CCDC33: variants seen among roughly 807,000 people sequenced by gnomAD.
CCDC33 encodes coiled-coil domain-containing protein 33.
A neutral mutation model predicts 91.9 loss-of-function variants in CCDC33; 94 were observed. The observed-to-expected ratio is 1.02, with a 90% CI of 0.87 to 1.21. CCDC33 has a LOEUF of 1.21. Among genes scored for constraint, CCDC33 ranks in the 50% most tolerant of loss-of-function variants. The probability of loss-of-function intolerance (pLI) is 0.00; values close to 1 mark genes in which losing one functional copy is unlikely to be tolerated. For missense variants in CCDC33, 940 were observed against 935.5 expected (o/e 1.00, Z -0.06); for synonymous variants, 396 against 374.5 (o/e 1.06, Z -0.66).
At chr15:74,210,162 A>C (rs377260178) in intron 2 of CCDC33, among the ~76,000 whole-genome samples, 2 of 152,218 alleles carry the variant, frequency 1.3e-5, no homozygotes, top group Non-Finnish European at 2.9e-5. Context: ...GGTTAAACCC[A>C]CATAAAGAGA....
At chr15:74,254,937 G>A (rs1352193163) in intron 2 of CCDC33, among the ~76,000 whole-genome samples, 3 of 152,024 alleles carry the variant, frequency 2.0e-5, no homozygotes, top group South Asian at 2.1e-4. Context: ...TAGTAGAGAC[G>A]GTGTTTTGCC....
Position 74,218,953 on chromosome 15 carries a change from C to T in CCDC33, c.675+92C>T. Reference sequence around the variant, plus strand: ...AAGCCAGGCTACCCCCTGTCCTGAGCTGAGCTGAGCAGAGCAGCAGAGCTC... The same window carrying T: ...AAGCCAGGCTACCCCCTGTCCTGAGTTGAGCTGAGCAGAGCAGCAGAGCTC... On this transcript the variant is annotated intron_variant, in intron 2 of 2. Coordinates refer to the CCDC33 transcript ENST00000635913. The surrounding 1 kb of genome is among the most constrained non-coding windows in gnomAD (Gnocchi z 4.8). 8.6e-7 allele frequency: 1 copy of T among 1,163,636 alleles called. No individual in the cohort carries two copies. The highest frequency in any genetic ancestry group is 1.1e-6 in the Non-Finnish European group (1 of 918,660). The allele number at this position is 1,163,636 out of a possible 1,614,324, so 72.1% of individuals were successfully genotyped here. A position where few individuals can be genotyped will look rare whatever the true frequency, so the allele number is the denominator to read the frequency against.
chr15:74,234,941 G>A (rs535093812), upstream of CCDC33, among the ~76,000 whole-genome samples: 1 of 152,344 alleles, frequency 6.6e-6, no homozygotes, highest in Non-Finnish European at 1.5e-5. Context: ...TGCTAGAGAA[G>A]GAGCAATGGC....
chr15:74,257,275 A>C (rs1016273544), intron 2 of CCDC33, among the ~76,000 whole-genome samples: 1 of 152,242 alleles, frequency 6.6e-6, no homozygotes, highest in African/African-American at 2.4e-5. Flanking sequence ...CCTGGGGCTC[A>C]AAACCCACAA....
rs933982739 is a variant in CCDC33 at position 74,244,617 on chromosome 15, C to T, written c.185+469C>T. 1.3e-5 allele frequency among the ~76,000 whole-genome samples: 2 copies of T among 151,918 alleles called. No homozygotes were observed. The highest frequency in any genetic ancestry group is 4.8e-5 in the African/African-American group (2 of 41,360). ...TCTCCAGTCACTTCTATTATGGGGA[C>T]TCCCCTAGTTCTGGGCCTTTAATGC... On this transcript the variant is annotated intron_variant, in intron 2 of 18. Transcript: ENST00000398814. The surrounding 1 kb of genome is among the most constrained non-coding windows in gnomAD (Gnocchi z 4.2).
In CCDC33 at chr15:74,307,680, T is replaced by A. The variant is rs189894638; in HGVS notation, c.1290+11732T>A. 3.4e-3 allele frequency among the ~76,000 whole-genome samples: 523 copies of A among 152,030 alleles called. 2 individuals carry two copies. The highest frequency in any genetic ancestry group is 0.012 in the African/African-American group (508 of 41,470). ...GGCCTCAGGCCACCCCCTGCCGAGT[T>A]CCACCTGGAACATTTGAGAGTATAA... On this transcript the variant is annotated intron_variant, in intron 11 of 18. Coordinates refer to ENST00000398814, the MANE Select transcript of CCDC33 (RefSeq NM_025055.5).
Position 74,273,773 on chromosome 15 carries a change from A to AT in CCDC33, c.759+890dup, listed in dbSNP as rs1377240082. On this transcript the variant is annotated intron_variant, in intron 7 of 18. Coordinates refer to ENST00000398814, the MANE Select transcript of CCDC33 (RefSeq NM_025055.5). ...CATGAGTCACTGCGCCCAGCGAAAA[A>AT]TTTTTTTTAATCAGAGGAGAGGGAT... 2.7e-5 allele frequency among the ~76,000 whole-genome samples: 4 copies of AT among 147,634 alleles called. No homozygotes were observed. In the South Asian group the frequency reaches 6.4e-4, roughly 24 times the overall value.
At chr15:74,211,917 CTGT>C (rs1173699007) in intron 2 of CCDC33, among the ~76,000 whole-genome samples, 2 of 152,144 alleles carry the variant, frequency 1.3e-5, no homozygotes, top group Non-Finnish European at 2.9e-5. Flanking sequence ...ATCACTCTCT[CTGT>C]TGTTTCCTTT....
At chr15:74,291,384 T>C (rs1168233099) in intron 10 of CCDC33, among the ~76,000 whole-genome samples, 1 of 152,230 alleles carries the variant, frequency 6.6e-6, no homozygotes, top group African/African-American at 2.4e-5. Flanking sequence ...GGGAGAAAAT[T>C]GCATCAGGCC....
rs2075439725 is a variant in CCDC33, at chr15:74,244,068, G to A, written c.105G>A (p.Glu35=). The A allele has an allele frequency of 6.2e-7, 1 of 1,611,758 alleles. No homozygotes were observed. The highest frequency in any genetic ancestry group is 8.5e-7 in the Non-Finnish European group (1 of 1,178,792). ...EIGHLSPSKK[E]TIMVTLHGAT... is the part of the protein sequence containing the mutation. ...GTCACCTGTCTCCCTCTAAGAAGGAGACCATCATGGTCACCCTCCATGGGG... is the reference window on the plus strand; with the variant it reads ...GTCACCTGTCTCCCTCTAAGAAGGAAACCATCATGGTCACCCTCCATGGGG... The change falls in exon 2 of 19, where the codon GAG becomes GAA. Residue 35 remains glutamate, a synonymous_variant. Coordinates refer to ENST00000398814, the MANE Select transcript of CCDC33 (RefSeq NM_025055.5). The surrounding 1 kb of genome is among the most constrained non-coding windows in gnomAD (Gnocchi z 4.2).
intron 11 of CCDC33, among the ~76,000 whole-genome samples, chr15:74,296,830 G>C (rs1418630862): frequency 3.3e-5 from 5 of 152,132 alleles, no homozygotes; most frequent in African/African-American, 1.2e-4. Context: ...CTAAAGAATG[G>C]GCTACCAAAG....
At chr15:74,305,336 CA>C (rs917092950) in intron 11 of CCDC33, among the ~76,000 whole-genome samples, 3 of 152,232 alleles carry the variant, frequency 2.0e-5, no homozygotes, top group Non-Finnish European at 4.4e-5. Context: ...ACCCAAGAAG[CA>C]ACGGCTGTTT....
intron 1 of CCDC33, among the ~76,000 whole-genome samples, chr15:74,204,839 G>A (rs2074222858): frequency 6.6e-6 from 1 of 152,180 alleles, no homozygotes; most frequent in African/African-American, 2.4e-5. Context: ...GGAGGCTGAG[G>A]CAGGAGAATC....
intron 11 of CCDC33, among the ~76,000 whole-genome samples, chr15:74,321,064 C>G (rs1445954131): frequency 6.6e-6 from 1 of 152,070 alleles, no homozygotes; most frequent in Non-Finnish European, 1.5e-5. Context: ...ACACTAGTCC[C>G]TTTCAGCAAA....
At chr15:74,265,066 T>C (rs1400581880) in intron 3 of CCDC33, among the ~76,000 whole-genome samples, 1 of 152,138 alleles carries the variant, frequency 6.6e-6, no homozygotes, top group Admixed American at 6.5e-5. Flanking sequence ...GTGTTCAGGG[T>C]CGCTGTGGGG....
At chr15:74,214,776 G>T (rs1044771256), upstream of CCDC33, among the ~76,000 whole-genome samples, 3 of 152,110 alleles carry the variant, frequency 2.0e-5, no homozygotes, top group Non-Finnish European at 4.4e-5. Flanking sequence ...GTCTAAATTT[G>T]ACTCAAAAGC....
intron 11 of CCDC33, among the ~76,000 whole-genome samples, chr15:74,320,548 C>A (rs1404058082): frequency 2.0e-5 from 3 of 152,110 alleles, no homozygotes; most frequent in Admixed American, 6.5e-5. Flanking sequence ...AGCTGCCAGG[C>A]CCTGCTGGGG....
intron 2 of CCDC33, among the ~76,000 whole-genome samples, chr15:74,245,779 G>A (rs541187683): frequency 2.0e-5 from 3 of 152,116 alleles, no homozygotes; most frequent in African/African-American, 4.8e-5. Flanking sequence ...ACGCGGGGAG[G>A]GGGGAGGGGA....
intron 2 of CCDC33, among the ~76,000 whole-genome samples, chr15:74,222,117 CG>C (rs1321356849): frequency 2.6e-5 from 4 of 152,012 alleles, no homozygotes; most frequent in African/African-American, 9.7e-5. Flanking sequence ...CTGGAAAGGG[CG>C]GGGGAGACCA....
Sources: allele counts gnomAD v4.1 joint callset (sites outside exome capture counted in the v4.1 genomes callset), GRCh38; gene constraint gnomAD v4.1.1; non-coding constraint Gnocchi (gnomAD v3.1); transcripts MANE v1.5; gene names NCBI Gene and HGNC (gene_info 2026-07-23, HGNC 2026-07-21).